NBEA: variants seen among roughly 807,000 people sequenced by gnomAD.
NBEA encodes lysosomal-trafficking regulator 2.
In NBEA, 44 loss-of-function variants were observed where a neutral mutation model predicts 343.4. That is an observed-to-expected ratio of 0.13 (90% CI 0.10 to 0.16). The LOEUF is 0.16. Ranked by LOEUF, NBEA falls within the 10% of genes least tolerant of loss-of-function variation. NBEA has a pLI of 1.00. For synonymous variants in NBEA, 1,175 were observed against 1,238.7 expected (o/e 0.95, Z 1.08); for missense variants, 2,555 against 3,631.3 (o/e 0.70, Z 7.62).
At chr13:35,132,628 G>A (rs2067489728) in intron 17 of NBEA, among the ~76,000 whole-genome samples, 1 of 152,158 alleles carries the variant, frequency 6.6e-6, no homozygotes, top group South Asian at 2.1e-4. Context: ...AAACTATTAT[G>A]CTAAGTGAAA....
intron 46 of NBEA, among the ~76,000 whole-genome samples, chr13:35,590,544 G>A (rs1253430944): frequency 1.3e-5 from 2 of 152,038 alleles, no homozygotes; most frequent in African/African-American, 4.8e-5. Flanking sequence ...TGCTATTCTT[G>A]GCATGTCTTT....
chr13:35,170,306 T>A (rs1454643234), intron 25 of NBEA, among the ~76,000 whole-genome samples: 1 of 151,804 alleles, frequency 6.6e-6, no homozygotes, highest in Non-Finnish European at 1.5e-5. Flanking sequence ...GTAGTTGAAT[T>A]TATCATTTGG....
chr13:35,323,579 G>T (rs1200690171), intron 36 of NBEA, among the ~76,000 whole-genome samples: 1 of 124,668 alleles, frequency 8.0e-6, no homozygotes, highest in Admixed American at 8.7e-5. Context: ...GTGGGGGGAG[G>T]GGGAGGGATA....
At chr13:34,957,493 T>G (rs74049201) in intron 1 of NBEA, among the ~76,000 whole-genome samples, 3,518 of 152,314 alleles carry the variant, frequency 0.023, 58 homozygotes, top group South Asian at 0.075. Context: ...TACTGAATAT[T>G]CAGCAGTGAT....
chr13:35,280,076 A>T (rs1472420966), intron 34 of NBEA, among the ~76,000 whole-genome samples: 1 of 152,202 alleles, frequency 6.6e-6, no homozygotes, highest in East Asian at 1.9e-4. Flanking sequence ...AAATTAATTT[A>T]TAGGGATATA....
At chr13:35,152,891 A>G (rs1425946824) in intron 18 of NBEA, among the ~76,000 whole-genome samples, 1 of 152,074 alleles carries the variant, frequency 6.6e-6, no homozygotes, top group African/African-American at 2.4e-5. Flanking sequence ...GTTTGGGGTT[A>G]CTATGCATAT....
rs1305696371 is a variant in NBEA at position 35,070,757 on chromosome 13, A to G, written c.1476A>G (p.Ala492=). 1.2e-6 allele frequency: 2 copies of G among 1,608,234 alleles called. No individual in the cohort carries two copies. Among genetic ancestry groups the G allele is most frequent in the African/African-American group, 2.7e-5 (2 of 74,784 alleles). The change falls in exon 10 of 59, where the codon GCA becomes GCG. Residue 492 remains alanine (A), a synonymous_variant. Transcript: ENST00000379939. The part of the protein sequence containing the change: ...KAIVTHSIHS[A]IHSIGGIQVL... ...TAGTAACACATTCAATTCATAGTGC[A>G]ATTCATTCAATTGGAGGGATTCAAG...
chr13:35,435,427 T>C (rs2045371689), intron 39 of NBEA, among the ~76,000 whole-genome samples: 1 of 152,130 alleles, frequency 6.6e-6, no homozygotes, highest in Admixed American at 6.6e-5. Flanking sequence ...TGATGGTACT[T>C]AGACAGGAAT....
intron 48 of NBEA, among the ~76,000 whole-genome samples, chr13:35,617,543 T>G (rs184782965): frequency 4.0e-4 from 61 of 152,314 alleles, no homozygotes; most frequent in Middle Eastern, 6.8e-3. Flanking sequence ...TCTTAGTTGC[T>G]TCAGAATTAG....
intron 38 of NBEA, among the ~76,000 whole-genome samples, chr13:35,431,356 T>C (rs1169146833): frequency 6.6e-6 from 1 of 152,126 alleles, no homozygotes; most frequent in Non-Finnish European, 1.5e-5. Context: ...TCGAGTGTAT[T>C]ACTCCACTAC....
chr13:35,604,059 C>T (rs1373841324), intron 47 of NBEA, among the ~76,000 whole-genome samples: 1 of 152,140 alleles, frequency 6.6e-6, no homozygotes, highest in African/African-American at 2.4e-5. Context: ...CTCCTGTCAG[C>T]GATCAAACCA....
intron 27 of NBEA, among the ~76,000 whole-genome samples, chr13:35,174,977 G>C (rs973734064): frequency 6.6e-6 from 1 of 151,802 alleles, no homozygotes; most frequent in Admixed American, 6.6e-5. Flanking sequence ...ATTTTTAGTG[G>C]AGACGGGGTT....
At chr13:35,521,841 C>T (rs567576954) in intron 41 of NBEA, among the ~76,000 whole-genome samples, 41 of 152,220 alleles carry the variant, frequency 2.7e-4, no homozygotes, top group African/African-American at 9.4e-4. Context: ...AGAAAGGGGG[C>T]ATGGTTGGTA....
chr13:35,182,641 A>G (rs2071395831), intron 29 of NBEA, 113 bp downstream of exon 29: 5 of 992,430 alleles, frequency 5.0e-6, no homozygotes, highest in Non-Finnish European at 7.3e-6. Flanking sequence ...ATATTTATGA[A>G]TGGTTGGTAT....
intron 41 of NBEA, among the ~76,000 whole-genome samples, chr13:35,489,389 A>G (rs2076422039): frequency 6.6e-6 from 1 of 151,868 alleles, no homozygotes; most frequent in Non-Finnish European, 1.5e-5. Context: ...ATTGTGTATC[A>G]GTCCCAGCTG....
chr13:35,434,329 T>C (rs2152932067), intron 39 of NBEA, among the ~76,000 whole-genome samples: 1 of 152,284 alleles, frequency 6.6e-6, no homozygotes, highest in South Asian at 2.1e-4. Context: ...TACTAAATAT[T>C]CTTTATATGT....
chr13:34,968,312 A>T (rs1469129664), intron 1 of NBEA, among the ~76,000 whole-genome samples: 3 of 152,032 alleles, frequency 2.0e-5, no homozygotes, highest in African/African-American at 7.2e-5. Context: ...CACGTAATTG[A>T]ACTCAAGTAC....
chr13:35,494,314 G>A (rs2076599721), intron 41 of NBEA, among the ~76,000 whole-genome samples: 1 of 151,894 alleles, frequency 6.6e-6, no homozygotes, highest in Non-Finnish European at 1.5e-5. Context: ...GATCAACAAT[G>A]GTAACAAAAA....
intron 30 of NBEA, among the ~76,000 whole-genome samples, chr13:35,194,452 A>G (rs1370077520): frequency 6.6e-6 from 1 of 152,108 alleles, no homozygotes; most frequent in African/African-American, 2.4e-5. Flanking sequence ...AGTTATATAG[A>G]ATTTACTGAT....
Sources: gnomAD v4.1 joint callset for allele counts (sites outside exome capture counted in the v4.1 genomes callset) on GRCh38, gnomAD v4.1.1 for gene constraint, MANE v1.5 for transcripts, NCBI Gene and HGNC (gene_info 2026-07-23, HGNC 2026-07-21) for gene names.